Variants in PCDH15 observed in about 807,000 individuals in gnomAD.
PCDH15 encodes the protein protocadherin related 15.
PCDH15 carries 129 observed loss-of-function variants against 178.5 expected under a neutral mutation model. The ratio of observed to expected loss-of-function variants is 0.72; its 90% confidence interval spans 0.63 to 0.84. PCDH15 has a LOEUF of 0.84. Among genes scored for constraint, PCDH15 ranks in the 40% least tolerant of loss-of-function variants. The pLI is 0.00. For synonymous variants in PCDH15, 800 were observed against 732.0 expected, an observed-to-expected ratio of 1.09 and a Z score of -1.50; for missense variants, 2,230 against 2,099.9, an observed-to-expected ratio of 1.06 and a Z score of -1.21.
At chr10:54,655,880 A>T (rs2094395276) in intron 2 of PCDH15, 1 of 152,172 alleles carries the variant, frequency 6.6e-6, no homozygotes, top group Non-Finnish European at 1.5e-5. Flanking sequence ...TAACATTGAG[A>T]TTGCTTAGAA....
intron 8 of PCDH15, among the ~76,000 whole-genome samples, chr10:54,286,628 A>AT (rs200217877): frequency 0.022 from 3,378 of 151,404 alleles, 104 homozygotes; most frequent in African/African-American, 0.063. Context: ...ACTCTTCCTG[A>AT]TTTTTTTTTC....
intron 2 of PCDH15, among the ~76,000 whole-genome samples, chr10:55,554,877 T>C (rs543496962): frequency 6.6e-5 from 10 of 152,152 alleles, no homozygotes; most frequent in Middle Eastern, 3.4e-3. Context: ...ATTCCTCTTT[T>C]TGATGATATA....
At chr10:54,318,141 T>TG (rs973299120) in intron 7 of PCDH15, among the ~76,000 whole-genome samples, 3 of 152,182 alleles carry the variant, frequency 2.0e-5, no homozygotes, top group Non-Finnish European at 2.9e-5. Flanking sequence ...TTTCATGCCC[T>TG]GGGGGGCCAT....
intron 27 of PCDH15, among the ~76,000 whole-genome samples, chr10:53,863,705 T>G (rs2133118280): frequency 6.6e-6 from 1 of 152,244 alleles, no homozygotes; most frequent in Non-Finnish European, 1.5e-5. Context: ...GTGAGAATAA[T>G]CTGATATAAG....
intron 2 of PCDH15, among the ~76,000 whole-genome samples, chr10:55,442,472 ATATATATAT>A (rs927490428): frequency 5.1e-5 from 3 of 59,396 alleles, no homozygotes; most frequent in Non-Finnish European, 8.4e-5. Flanking sequence ...TATATATATT[ATATATATAT>A]TATATATATA....
At chr10:54,401,900 G>C (rs1011382381) in intron 3 of PCDH15, among the ~76,000 whole-genome samples, 2 of 151,738 alleles carry the variant, frequency 1.3e-5, no homozygotes, top group African/African-American at 4.8e-5. Flanking sequence ...GGTTTTTGAT[G>C]CTAGCATAAC....
At chr10:54,674,886 T>C (rs1004211025) in intron 1 of PCDH15, among the ~76,000 whole-genome samples, 1 of 152,108 alleles carries the variant, frequency 6.6e-6, no homozygotes, top group African/African-American at 2.4e-5. Context: ...AATGATAAGA[T>C]ATTACAATTA....
intron 2 of PCDH15, among the ~76,000 whole-genome samples, chr10:55,341,788 T>G (rs1844577566): frequency 8.2e-5 from 1 of 12,246 alleles, no homozygotes; most frequent in Non-Finnish European, 1.8e-4. Flanking sequence ...TATATATATA[T>G]ATATATATAT....
intron 2 of PCDH15, among the ~76,000 whole-genome samples, chr10:54,632,714 C>T (rs1002053506): frequency 2.0e-5 from 3 of 152,032 alleles, no homozygotes; most frequent in Admixed American, 6.6e-5. Flanking sequence ...GATCATAAAA[C>T]ATAAGCACCT....
chr10:54,977,670 C>G (rs1452165227), intron 2 of PCDH15, among the ~76,000 whole-genome samples: 1 of 152,062 alleles, frequency 6.6e-6, no homozygotes, highest in Non-Finnish European at 1.5e-5. Flanking sequence ...AATAGTCATC[C>G]TTCATTTTTT....
intron 1 of PCDH15, among the ~76,000 whole-genome samples, chr10:54,711,333 T>C (rs541576741): frequency 3.1e-4 from 47 of 152,152 alleles, no homozygotes; most frequent in African/African-American, 1.1e-3. Context: ...TTTTGAATGC[T>C]GATAATGTGA....
At chr10:55,296,839 C>T in intron 1 of PCDH15, among the ~76,000 whole-genome samples, 1 of 152,124 alleles carries the variant, frequency 6.6e-6, no homozygotes, top group East Asian at 1.9e-4. Flanking sequence ...ATTATTTCAT[C>T]AACACCCCCC....
chr10:55,212,824 T>C (rs964753505), intron 1 of PCDH15, among the ~76,000 whole-genome samples: 3 of 152,108 alleles, frequency 2.0e-5, no homozygotes, highest in African/African-American at 7.3e-5. Flanking sequence ...AATGTCAGCA[T>C]TGGCTATAGT....
chr10:55,499,330 A>C (rs909119179), intron 2 of PCDH15, among the ~76,000 whole-genome samples: 1 of 151,700 alleles, frequency 6.6e-6, no homozygotes, highest in Non-Finnish European at 1.5e-5. Context: ...GAATACAAAA[A>C]CAAAATGCTA....
rs1244037194 is a variant in PCDH15, at chr10:54,796,318, CT to C, written c.-29+4606del. Among the ~76,000 whole-genome samples the C allele has an allele frequency of 9.1e-4, 135 of 148,898 alleles. 1 individual carries two copies. The highest frequency in any genetic ancestry group is 3.2e-3 in the African/African-American group (130 of 40,156). On this transcript the variant is annotated intron_variant, in intron 1 of 37. Coordinates refer to ENST00000644397, the MANE Select transcript of PCDH15 (RefSeq NM_001384140.1). Reference sequence around the variant, plus strand: ...TCTATCTATCTATCTATCTATCTATCTATCATCATCATCTAGGTATCTATAT... The same window carrying C: ...TCTATCTATCTATCTATCTATCTATCATCATCATCATCTAGGTATCTATAT...
intron 18 of PCDH15, among the ~76,000 whole-genome samples, chr10:54,050,936 G>A (rs2093759443): frequency 6.6e-6 from 1 of 152,228 alleles, no homozygotes; most frequent in Non-Finnish European, 1.5e-5. Flanking sequence ...TAGTAATTGA[G>A]TTCTCAAAAG....
chr10:54,254,996 T>A (rs1224107627), intron 8 of PCDH15, among the ~76,000 whole-genome samples: 1 of 152,218 alleles, frequency 6.6e-6, no homozygotes, highest in Non-Finnish European at 1.5e-5. Flanking sequence ...ATGTGGATAT[T>A]TTTAAAAGTG....
intron 5 of PCDH15, among the ~76,000 whole-genome samples, chr10:54,352,871 T>C (rs1214688555): frequency 1.3e-5 from 2 of 152,132 alleles, no homozygotes; most frequent in Admixed American, 6.6e-5. Flanking sequence ...ATGAGAACTA[T>C]GATTCATCCT....
intron 2 of PCDH15, among the ~76,000 whole-genome samples, chr10:54,554,394 C>T (rs1034437903): frequency 2.6e-5 from 4 of 152,076 alleles, no homozygotes; most frequent in South Asian, 2.1e-4. Context: ...CAACATATAT[C>T]GTAGGTTTCC....
Sources: gnomAD v4.1 joint callset for allele counts (sites outside exome capture counted in the v4.1 genomes callset) on GRCh38, gnomAD v4.1.1 for gene constraint, MANE v1.5 for transcripts, NCBI Gene and HGNC (gene_info 2026-07-23, HGNC 2026-07-21) for gene names.